OSBPL8: variants seen among roughly 807,000 people sequenced by gnomAD.
OSBPL8 encodes oxysterol-binding protein-related protein 8.
In OSBPL8, 59 loss-of-function variants were observed where a neutral mutation model predicts 125.5. That is an observed-to-expected ratio of 0.47 (90% CI 0.38 to 0.58). The LOEUF is 0.58. Among genes scored for constraint, OSBPL8 ranks in the 20% least tolerant of loss-of-function variants. OSBPL8 has a pLI of 0.00. For synonymous variants in OSBPL8, 330 were observed against 338.9 expected (o/e 0.97, Z 0.29); for missense variants, 758 against 1,047.8 (o/e 0.72, Z 3.82).
chr12:76,498,045 G>T (rs988571012), intron 1 of OSBPL8, among the ~76,000 whole-genome samples: 4 of 152,160 alleles, frequency 2.6e-5, no homozygotes, highest in African/African-American at 9.7e-5. Flanking sequence ...TGTGATAAAT[G>T]CCCAATAAAT....
chr12:76,365,193 C>T (rs548184536), intron 21 of OSBPL8, among the ~76,000 whole-genome samples: 13 of 152,248 alleles, frequency 8.5e-5, no homozygotes, highest in South Asian at 8.3e-4. Flanking sequence ...CCCTCCGCCT[C>T]GGCCTCCCAA....
At chr12:76,412,027 C>T (rs931788927) in intron 4 of OSBPL8, among the ~76,000 whole-genome samples, 1 of 152,088 alleles carries the variant, frequency 6.6e-6, no homozygotes. Context: ...ATATACCCAA[C>T]AGAAATGAGT....
intron 4 of OSBPL8, among the ~76,000 whole-genome samples, chr12:76,433,734 G>A (rs1321206369): frequency 6.6e-6 from 1 of 152,002 alleles, no homozygotes; most frequent in Non-Finnish European, 1.5e-5. Context: ...CAGCACTTTG[G>A]GAGGCCAAGG....
At chr12:76,367,978 A>C (rs913456892) in intron 21 of OSBPL8, among the ~76,000 whole-genome samples, 2 of 152,378 alleles carry the variant, frequency 1.3e-5, no homozygotes, top group South Asian at 4.1e-4. Context: ...CTTACAAACT[A>C]AAATTACAAT....
chr12:76,384,395 T>C (rs1355023275), intron 14 of OSBPL8, 45 bp from the exon 15 acceptor site: 2 of 1,068,318 alleles, frequency 1.9e-6, no homozygotes, highest in South Asian at 4.3e-5. Flanking sequence ...TATAAAAACA[T>C]GTTTATATAA....
intron 6 of OSBPL8, among the ~76,000 whole-genome samples, chr12:76,401,403 C>G (rs769579112): frequency 4.7e-4 from 72 of 152,182 alleles, no homozygotes; most frequent in Middle Eastern, 3.4e-3. Flanking sequence ...GAGAGCTAAC[C>G]CTGAGGGCAT....
intron 1 of OSBPL8, among the ~76,000 whole-genome samples, chr12:76,551,073 TATA>T (rs535716287): frequency 1.3e-3 from 190 of 151,926 alleles, no homozygotes; most frequent in African/African-American, 4.5e-3. Context: ...TACAAACATA[TATA>T]TAGTATATCA....
intron 1 of OSBPL8, among the ~76,000 whole-genome samples, chr12:76,510,846 A>G (rs1414867961): frequency 6.6e-6 from 1 of 150,376 alleles, no homozygotes; most frequent in African/African-American, 2.4e-5. Context: ...ATGCCACTGC[A>G]CTCCAGCCTG....
intron 4 of OSBPL8, among the ~76,000 whole-genome samples, chr12:76,448,699 A>C (rs1873007311): frequency 6.6e-6 from 1 of 152,206 alleles, no homozygotes; most frequent in Non-Finnish European, 1.5e-5. Flanking sequence ...CTAATATATG[A>C]CTAGATAAAC....
chr12:76,386,252 A>C lies in OSBPL8; in HGVS notation c.1449T>G (p.Pro483=). ...AAGTCTCGCCAAGTATAGGATTATA[A>C]GGTTTCTTCAGTCCCTGGTAAAAAA... ...FYKKPKGLKK[P]YNPILGETFR... is the part of the protein sequence containing the mutation. The change falls in exon 14 of 24, where the codon CCT becomes CCG. Residue 483 remains proline (P), a synonymous_variant. Coordinates refer to ENST00000261183, the MANE Select transcript of OSBPL8 (RefSeq NM_020841.5). 1.3e-6 allele frequency: 2 copies of C among 1,593,822 alleles called. No homozygotes were observed. The highest frequency in any genetic ancestry group is 1.1e-5 in the South Asian group (1 of 88,292).
rs1027827316 is a variant in OSBPL8, at chr12:76,355,451, C to T, written c.*438G>A. On this transcript the variant is annotated 3_prime_UTR_variant, in exon 24 of 24. Transcript: ENST00000261183. ...TCATTTCTCAATCTGTAATTCCTTA[C>T]TGATAAAACTTTTGTGCCTGTTTTA... is the stretch of plus-strand genomic sequence containing the variant. The T allele has an allele frequency of 2.0e-5, 3 of 152,474 alleles. No homozygotes were observed. Among genetic ancestry groups the T allele is most frequent in the South Asian group, 2.1e-4 (1 of 4,826 alleles). 9.4% of individuals were successfully genotyped at this position (152,474 alleles called of 1,614,324 possible).
chr12:76,531,921 C>G (rs969179093), intron 1 of OSBPL8, among the ~76,000 whole-genome samples: 6 of 151,500 alleles, frequency 4.0e-5, no homozygotes, highest in African/African-American at 1.5e-4. Flanking sequence ...CCTGTAGTCC[C>G]AGCTACTCAG....
intron 1 of OSBPL8, among the ~76,000 whole-genome samples, chr12:76,512,898 C>T (rs982351498): frequency 2.6e-5 from 4 of 152,138 alleles, no homozygotes; most frequent in Non-Finnish European, 5.9e-5. Flanking sequence ...ACAGATCTTT[C>T]ACCTCCCCAG....
intron 1 of OSBPL8, among the ~76,000 whole-genome samples, chr12:76,538,274 C>A (rs1170047604): frequency 6.6e-6 from 1 of 152,156 alleles, no homozygotes; most frequent in African/African-American, 2.4e-5. Context: ...AATAATTTTT[C>A]TTTTCATGAT....
At chr12:76,552,201 G>C (rs965027265) in intron 1 of OSBPL8, among the ~76,000 whole-genome samples, 8 of 152,104 alleles carry the variant, frequency 5.3e-5, no homozygotes, top group African/African-American at 1.9e-4. Context: ...GAGGCGGGCA[G>C]ATCGCTTGAA....
intron 11 of OSBPL8, 48 bp downstream of exon 11, chr12:76,390,372 T>C (rs1475795893): frequency 7.6e-7 from 1 of 1,312,870 alleles, no homozygotes; most frequent in African/African-American, 1.5e-5. Context: ...ATTTAAGAAT[T>C]CCCAAGAATA....
intron 4 of OSBPL8, among the ~76,000 whole-genome samples, chr12:76,433,348 T>G (rs571589314): frequency 1.3e-5 from 2 of 152,200 alleles, no homozygotes; most frequent in Non-Finnish European, 2.9e-5. Flanking sequence ...ACAAAAAAGT[T>G]TTAAAACTAA....
At chr12:76,407,653 C>T (rs1443238408) in intron 5 of OSBPL8, among the ~76,000 whole-genome samples, 4 of 152,144 alleles carry the variant, frequency 2.6e-5, no homozygotes, top group African/African-American at 9.7e-5. Context: ...AGTTTCAGCT[C>T]TTGGAAAATA....
chr12:76,409,675 A>G (rs1039846836), intron 5 of OSBPL8, among the ~76,000 whole-genome samples: 4 of 152,332 alleles, frequency 2.6e-5, no homozygotes, highest in Admixed American at 6.5e-5. Context: ...TAAGTACTTT[A>G]CACTAATATG....
Sources: allele counts gnomAD v4.1 joint callset (sites outside exome capture counted in the v4.1 genomes callset), GRCh38; gene constraint gnomAD v4.1.1; transcripts MANE v1.5; gene names NCBI Gene and HGNC (gene_info 2026-07-23, HGNC 2026-07-21).